OR6N1: variants seen among roughly 807,000 people sequenced by gnomAD.
OR6N1 encodes the protein olfactory receptor family 6 subfamily N member 1, also known as olfactory receptor 6N1.
For synonymous variants in OR6N1, 170 were observed against 150.7 expected, an observed-to-expected ratio of 1.13 and a Z score of -0.94; for missense variants, 394 against 371.7, an observed-to-expected ratio of 1.06 and a Z score of -0.49.
the OR6N1 span, among the ~76,000 whole-genome samples, chr1:158,779,355 T>C: frequency 2.0e-5 from 3 of 152,190 alleles, no homozygotes; most frequent in Admixed American, 6.5e-5. Flanking sequence ...AGCCTCTTGC[T>C]TATTTTCATC....
upstream of OR6N1, chr1:158,777,040 T>A (rs147929171): frequency 1.6e-4 from 255 of 1,614,018 alleles, 5 homozygotes; most frequent in East Asian, 5.3e-3. Flanking sequence ...AATGGCAAAG[T>A]CCACCAGAAT....
the OR6N1 span, among the ~76,000 whole-genome samples, chr1:158,804,097 C>T: frequency 6.6e-6 from 1 of 152,140 alleles, no homozygotes; most frequent in African/African-American, 2.4e-5. Flanking sequence ...GTTTTATAGG[C>T]AGAGAGCAAT....
At chr1:158,792,796 TG>T in the OR6N1 span, among the ~76,000 whole-genome samples, 5 of 152,330 alleles carry the variant, frequency 3.3e-5, no homozygotes, top group East Asian at 9.6e-4. Context: ...CTAATGCTTT[TG>T]AGCTTCTGGT....
upstream of OR6N1, among the ~76,000 whole-genome samples, chr1:158,773,102 T>G (rs1657464440): frequency 6.6e-6 from 1 of 152,164 alleles, no homozygotes; most frequent in South Asian, 2.1e-4. Context: ...TGTCACTTTC[T>G]CCATCCCACC....
chr1:158,800,484 G>A, the OR6N1 span, among the ~76,000 whole-genome samples: 2 of 152,116 alleles, frequency 1.3e-5, no homozygotes, highest in Non-Finnish European at 2.9e-5. Flanking sequence ...TATCTGAGCT[G>A]GATGCTCAGA....
the OR6N1 span, among the ~76,000 whole-genome samples, chr1:158,809,631 A>G: frequency 1.0e-3 from 155 of 152,230 alleles, 1 homozygote; most frequent in African/African-American, 3.6e-3. Context: ...CCATCCAATA[A>G]CAGGAGAGCT....
upstream of OR6N1, chr1:158,776,991 C>A: frequency 1.2e-6 from 2 of 1,614,090 alleles, no homozygotes; most frequent in South Asian, 1.1e-5. Context: ...CATAAGAAAT[C>A]ATGATAAAGA....
chr1:158,828,983 G>A, the OR6N1 span, among the ~76,000 whole-genome samples: 4 of 152,196 alleles, frequency 2.6e-5, no homozygotes, highest in Admixed American at 2.6e-4. Context: ...CTCTACAGTA[G>A]CCCCCTTCAG....
the OR6N1 span, among the ~76,000 whole-genome samples, chr1:158,797,242 G>GA: frequency 6.6e-6 from 1 of 152,268 alleles, no homozygotes; most frequent in Admixed American, 6.5e-5. Flanking sequence ...GTTGAGGCAG[G>GA]AACAGGTCTC....
chr1:158,785,172 G>T, the OR6N1 span, among the ~76,000 whole-genome samples: 1 of 151,976 alleles, frequency 6.6e-6, no homozygotes, highest in African/African-American at 2.4e-5. Context: ...CTACTTCTTT[G>T]GAGAATTTTT....
Position 158,765,847 on chromosome 1 carries a change from G to A in OR6N1, c.836C>T (p.Ser279Leu), listed in dbSNP as rs1025573039. 6.2e-7 allele frequency: 1 copy of A among 1,614,014 alleles called. No homozygotes were observed. Among genetic ancestry groups the A allele is most frequent in the Non-Finnish European group, 8.5e-7 (1 of 1,179,988 alleles). The part of the protein sequence containing the change: ...DYDQALAVVY[S>L]VLTPFLNPFI... ...GGGGTTGAGGAAGGGTGTGAGCACT[G>A]AGTAGACCACTGCCAGGGCCTGGTC... The change falls in exon 2 of 2, where the codon TCA becomes TTA. Residue 279 changes from serine (S) to leucine (L), a missense_variant. Physicochemically the swap from Ser to Leu is moderately radical, Grantham distance 145. Transcript: ENST00000641846.
At chr1:158,804,767 T>A in the OR6N1 span, among the ~76,000 whole-genome samples, 2 of 152,298 alleles carry the variant, frequency 1.3e-5, no homozygotes, top group East Asian at 3.9e-4. Context: ...ACTAACATAA[T>A]GTGAGAAATA....
the OR6N1 span, chr1:158,781,301 A>T: frequency 6.6e-6 from 1 of 152,478 alleles, no homozygotes; most frequent in African/African-American, 2.4e-5. Flanking sequence ...GAGTCCCCAG[A>T]GCTAACACTG....
the OR6N1 span, among the ~76,000 whole-genome samples, chr1:158,825,235 C>A: frequency 3.3e-5 from 5 of 151,962 alleles, no homozygotes; most frequent in Non-Finnish European, 7.4e-5. Flanking sequence ...GCCAGGAGAT[C>A]GAGACCATCC....
At chr1:158,823,591 GTC>G in the OR6N1 span, among the ~76,000 whole-genome samples, 1 of 151,238 alleles carries the variant, frequency 6.6e-6, no homozygotes, top group Admixed American at 6.6e-5. Flanking sequence ...TATTTGGATC[GTC>G]TCTCTCTTTT....
upstream of OR6N1, chr1:158,774,882 A>G (rs1657546496): frequency 6.6e-6 from 1 of 152,230 alleles, no homozygotes; most frequent in South Asian, 2.1e-4. Context: ...TGCATTCTAT[A>G]GAACAGTGGG....
At chr1:158,777,564 C>G in the OR6N1 span, 5 of 1,614,038 alleles carry the variant, frequency 3.1e-6, no homozygotes, top group Non-Finnish European at 4.2e-6. Flanking sequence ...AAAGCCAGCC[C>G]CTGACATAGC....
the OR6N1 span, among the ~76,000 whole-genome samples, chr1:158,810,081 T>A: frequency 6.6e-6 from 1 of 152,196 alleles, no homozygotes; most frequent in Non-Finnish European, 1.5e-5. Context: ...CTCAGCTTCC[T>A]CTTCAAAAGA....
chr1:158,801,169 G>A, the OR6N1 span, among the ~76,000 whole-genome samples: 2 of 85,972 alleles, frequency 2.3e-5, no homozygotes, highest in Non-Finnish European at 4.1e-5. Context: ...ATACTGGTGT[G>A]TGTGTGTGTG....
Sources: gnomAD v4.1 joint callset for allele counts (sites outside exome capture counted in the v4.1 genomes callset) on GRCh38, gnomAD v4.1.1 for gene constraint, MANE v1.5 for transcripts, NCBI Gene and HGNC (gene_info 2026-07-23, HGNC 2026-07-21) for gene names.